LIMK2: variants seen among roughly 807,000 people sequenced by gnomAD.
The protein encoded by LIMK2 is LIM domain kinase 2.
LIMK2 carries 35 observed loss-of-function variants against 75.7 expected under a neutral mutation model. The ratio of observed to expected loss-of-function variants is 0.46; its 90% CI spans 0.35 to 0.61. The LOEUF (loss-of-function observed/expected upper bound fraction) is 0.61. Ranked by LOEUF, LIMK2 falls within the 20% of genes least tolerant of loss-of-function variation. The pLI is 0.00. For synonymous variants in LIMK2, 301 were observed against 319.2 expected (o/e 0.94, Z 0.61); for missense variants, 623 against 831.0 (o/e 0.75, Z 3.08).
intron 11 of LIMK2, among the ~76,000 whole-genome samples, chr22:31,269,990 G>T (rs1394871661): frequency 6.6e-6 from 1 of 151,122 alleles, no homozygotes; most frequent in African/African-American, 2.5e-5. Flanking sequence ...GAGGAGTTAC[G>T]AGTGGCTTGA....
intron 2 of LIMK2, among the ~76,000 whole-genome samples, chr22:31,229,144 G>A (rs755435995): frequency 6.6e-5 from 10 of 152,182 alleles, no homozygotes; most frequent in Non-Finnish European, 1.0e-4. Flanking sequence ...TATCATTCCC[G>A]TGGAGGAAGT....
At chr22:31,217,254 C>T (rs1365579618) in intron 1 of LIMK2, among the ~76,000 whole-genome samples, 1 of 122,518 alleles carries the variant, frequency 8.2e-6, no homozygotes, top group South Asian at 2.6e-4. Context: ...AAAAATTAGC[C>T]GGGCATGGGG....
chr22:31,276,984 C>G (rs1377031628), intron 15 of LIMK2: 2 of 1,613,800 alleles, frequency 1.2e-6, no homozygotes, highest in Non-Finnish European at 1.7e-6. Flanking sequence ...TAGAGATTGA[C>G]GTGGATGAGC....
Position 31,268,214 on chromosome 22 carries a change from A to G in LIMK2, c.1317+14A>G. On this transcript the variant is annotated intron_variant, in intron 11 of 15. Coordinates refer to ENST00000331728, the MANE Select transcript of LIMK2 (RefSeq NM_005569.4). ...GCCTCCGGAATGGTGAGTCCCACCA[A>G]CAAACCTGCCAGCAGGGCGAGAGTA... 1 of 1,609,838 alleles carries G rather than the reference A, an allele frequency of 6.2e-7. No homozygotes were observed.
chr22:31,273,383 G>T, intron 13 of LIMK2, 69 bp from the exon 14 acceptor site: 1 of 1,397,928 alleles, frequency 7.2e-7, no homozygotes, highest in Non-Finnish European at 1.0e-6. Flanking sequence ...GGCTTAGATT[G>T]ACCCTAGACC....
At chr22:31,256,603 G>C (rs2048785089) in intron 2 of LIMK2, among the ~76,000 whole-genome samples, 1 of 152,150 alleles carries the variant, frequency 6.6e-6, no homozygotes, top group African/African-American at 2.4e-5. Context: ...GCCTCCCAAA[G>C]TGCTGGGATT....
intron 15 of LIMK2, 66 bp downstream of exon 15, chr22:31,275,374 C>T: frequency 3.3e-6 from 5 of 1,525,368 alleles, no homozygotes; most frequent in South Asian, 2.3e-5. Flanking sequence ...TCTAAGGCCA[C>T]CCCTGAGCCC....
chr22:31,267,177 A>G (rs2048904604), intron 9 of LIMK2, 107 bp downstream of exon 9: 5 of 657,566 alleles, frequency 7.6e-6, no homozygotes, highest in Admixed American at 2.9e-5. Context: ...ACTGTCTTAA[A>G]GACTAAGCAG....
At chr22:31,234,343 A>G (rs1237660603) in intron 2 of LIMK2, among the ~76,000 whole-genome samples, 4 of 151,060 alleles carry the variant, frequency 2.6e-5, no homozygotes, top group African/African-American at 7.3e-5. Flanking sequence ...AAAAAAAACA[A>G]AAAAAAACTT....
At position 31,272,635 on chromosome 22, in the gene LIMK2, A is replaced by G; in HGVS notation, c.1489A>G (p.Lys497Glu). ...CACCACCAAGAAACGCACCTTGCGC[A>G]AGAACGACCGCAAGAAGCGCTACAC... ...KATTKKRTLR[K>E]NDRKKRYTVV... is the part of the protein sequence containing the mutation. Residue 497 changes from lysine (K) to glutamate (E), a missense_variant, in exon 13 of 16, where the codon AAG (lysine) becomes GAG (glutamate). Lys to Glu is a moderately conservative substitution (Grantham distance 56). This residue lies in a region of LIMK2 where 514 missense variants were observed against 661.3 expected (regional missense o/e 0.78). Transcript: ENST00000331728. 2 of 1,613,796 alleles carry G rather than the reference A, an allele frequency of 1.2e-6. No individual in the cohort carries two copies. Among genetic ancestry groups the G allele is most frequent in the Non-Finnish European group, 1.7e-6 (2 of 1,179,904 alleles).
chr22:31,236,320 A>G (rs2048574257), intron 2 of LIMK2, among the ~76,000 whole-genome samples: 1 of 143,848 alleles, frequency 7.0e-6, no homozygotes, highest in Non-Finnish European at 1.5e-5. Flanking sequence ...AACAAACTGG[A>G]GATACAGGCT....
At chr22:31,212,584 C>T (rs980941569) in intron 1 of LIMK2, among the ~76,000 whole-genome samples, 160 bp downstream of exon 1, 2 of 151,906 alleles carry the variant, frequency 1.3e-5, no homozygotes, top group African/African-American at 4.8e-5. Flanking sequence ...GCACAGCGCT[C>T]CCCAGGCATT....
rs575869944 is a variant in LIMK2 at position 31,262,617 on chromosome 22, C to G, written c.680C>G (p.Thr227Arg). The G allele has an allele frequency of 6.2e-7, 1 of 1,612,986 alleles. No individual in the cohort carries two copies. Among genetic ancestry groups the G allele is most frequent in the East Asian group, 2.2e-5 (1 of 44,872 alleles). The change falls in exon 7 of 16, where the codon ACG (threonine) becomes AGG (arginine). Residue 227 changes from threonine (T) to arginine (R), a missense_variant. By Grantham distance (71) the Thr-to-Arg change is moderately conservative. Around this residue, in one of 3 missense-constraint regions of LIMK2, gnomAD observed 514 missense variants for 661.3 expected, o/e 0.78. Coordinates refer to ENST00000331728, the MANE Select transcript of LIMK2 (RefSeq NM_005569.4). The surrounding 1 kb of genome is among the most constrained non-coding windows in gnomAD (Gnocchi z 5.0). ...CAGGTGGAGGATGCAATTAGCCAGA[C>G]GAGCCAGACACTTCAGCTGTTGATT... Reference protein sequence around the residue: ...VEEVEDAISQTSQTLQLLIEH... With the variant: ...VEEVEDAISQRSQTLQLLIEH...
chr22:31,241,141 T>C (rs1411550192), intron 2 of LIMK2, among the ~76,000 whole-genome samples: 1 of 152,252 alleles, frequency 6.6e-6, no homozygotes, highest in Non-Finnish European at 1.5e-5. Context: ...TCTGTATATC[T>C]GAAGTGGGAC....
At chr22:31,227,491 C>CA (rs2048489941) in intron 2 of LIMK2, among the ~76,000 whole-genome samples, 1 of 152,236 alleles carries the variant, frequency 6.6e-6, no homozygotes, top group African/African-American at 2.4e-5. Context: ...AGCTATAACT[C>CA]AGAGCTCTCA....
intron 2 of LIMK2, among the ~76,000 whole-genome samples, chr22:31,227,361 G>C (rs1303189929): frequency 6.6e-6 from 1 of 152,232 alleles, no homozygotes; most frequent in African/African-American, 2.4e-5. Flanking sequence ...CTTATACCAA[G>C]TAATTGAGTT....
At chr22:31,269,286 C>CTTTTTTTTT (rs796361643) in intron 11 of LIMK2, among the ~76,000 whole-genome samples, 5 of 95,476 alleles carry the variant, frequency 5.2e-5, no homozygotes, top group African/African-American at 7.9e-5. Context: ...ATTTTTTTTT[C>CTTTTTTTTT]TTTTTTTTTT....
intron 2 of LIMK2, among the ~76,000 whole-genome samples, chr22:31,244,235 C>T (rs1461768817): frequency 1.3e-5 from 2 of 152,214 alleles, no homozygotes; most frequent in Non-Finnish European, 2.9e-5. Flanking sequence ...GAGTTATGCT[C>T]ATAGGCTCCC....
At chr22:31,240,896 G>C (rs550857468) in intron 2 of LIMK2, among the ~76,000 whole-genome samples, 1 of 152,134 alleles carries the variant, frequency 6.6e-6, no homozygotes, top group Non-Finnish European at 1.5e-5. Context: ...ATTAAGCTAC[G>C]TTCAGGATAA....
Sources: gnomAD v4.1 joint callset for allele counts (sites outside exome capture counted in the v4.1 genomes callset) on GRCh38, gnomAD v4.1.1 for gene constraint, gnomAD v4.1.1 regional missense constraint, Gnocchi (gnomAD v3.1) non-coding constraint, MANE v1.5 for transcripts, NCBI Gene and HGNC (gene_info 2026-07-23, HGNC 2026-07-21) for gene names.